The following PRKCE variants were observed in gnomAD, a reference collection of about 807,000 sequenced individuals.
PRKCE encodes the protein protein kinase C epsilon.
A neutral mutation model predicts 85.4 loss-of-function variants in PRKCE; 16 were observed. The observed-to-expected ratio is 0.19, with a 90% CI of 0.13 to 0.28. The LOEUF (loss-of-function observed/expected upper bound fraction) is 0.28. Ranked by LOEUF, PRKCE falls within the 10% of genes least tolerant of loss-of-function variation. PRKCE has a pLI of 1.00. For synonymous variants in PRKCE, 388 were observed against 371.5 expected (o/e 1.04, Z -0.51); for missense variants, 573 against 975.2 (o/e 0.59, Z 5.49).
rs765671191 is a variant in PRKCE, at chr2:46,004,879, G to A, written c.1063+241G>A. ...TTCCTTCCAGGCCAGGGTAAGAGGA[G>A]AGCGAGTGTATGATGTTATGGTTAT... On this transcript the variant is annotated intron_variant, in intron 8 of 14. Transcript: ENST00000306156. This position sits in a 1 kb window ranked among gnomAD's most constrained non-coding sequence, Gnocchi z 4.1. Among the ~76,000 whole-genome samples, 1 of 152,126 alleles carries A rather than the reference G, an allele frequency of 6.6e-6. No homozygotes were observed. The highest frequency in any genetic ancestry group is 1.5e-5 in the Non-Finnish European group (1 of 68,026).
intron 1 of PRKCE, among the ~76,000 whole-genome samples, chr2:45,816,213 GAT>G (rs1020019777): frequency 3.3e-5 from 5 of 152,158 alleles, no homozygotes; most frequent in Admixed American, 6.5e-5. Context: ...CAGTGAGAGT[GAT>G]TTCAGGATCT....
rs150826463 is a variant in PRKCE at position 46,021,773 on chromosome 2, C to T, written c.1437+11256C>T. On this transcript the variant is annotated intron_variant, in intron 10 of 14. Transcript: ENST00000306156. ...ACAAAGCCAGTTTCCTCATGGCTGACGTCAGATTCTCTCACCTCTCCCCAA... is the reference window on the plus strand; with the variant it reads ...ACAAAGCCAGTTTCCTCATGGCTGATGTCAGATTCTCTCACCTCTCCCCAA... 1.6e-3 allele frequency among the ~76,000 whole-genome samples: 240 copies of T among 152,298 alleles called. 2 individuals are homozygous for T. Among genetic ancestry groups the T allele is most frequent in the African/African-American group, 5.5e-3 (228 of 41,560 alleles).
intron 1 of PRKCE, among the ~76,000 whole-genome samples, chr2:45,729,351 T>A (rs1681363578): frequency 6.6e-6 from 1 of 152,192 alleles, no homozygotes; most frequent in Admixed American, 6.5e-5. Context: ...AGCCTGTGTC[T>A]TCTTAGCAGG....
At chr2:46,010,803 CCA>C (rs1323365703) in intron 10 of PRKCE, 1 of 1,585,732 alleles carries the variant, frequency 6.3e-7, no homozygotes, top group Non-Finnish European at 8.5e-7. Flanking sequence ...ATTGGAAAAA[CCA>C]ACAAGTGTGG....
intron 10 of PRKCE, among the ~76,000 whole-genome samples, chr2:46,076,723 A>C (rs964805393): frequency 6.6e-6 from 1 of 152,198 alleles, no homozygotes; most frequent in Non-Finnish European, 1.5e-5. Context: ...CTCCCCTTTT[A>C]CCAAAAGTGG....
At chr2:46,009,121 T>C (rs575527373) in intron 9 of PRKCE, among the ~76,000 whole-genome samples, 1 of 152,292 alleles carries the variant, frequency 6.6e-6, no homozygotes, top group Middle Eastern at 3.4e-3. Flanking sequence ...ATAGGAACAC[T>C]TTAAGAACAT....
At chr2:46,078,558 G>T (rs1668763991) in intron 10 of PRKCE, among the ~76,000 whole-genome samples, 1 of 147,368 alleles carries the variant, frequency 6.8e-6, no homozygotes, top group Admixed American at 6.7e-5. Flanking sequence ...AAAAAAATAA[G>T]ATTTTAGGGT....
Position 45,774,978 on chromosome 2 carries a change from G to A in PRKCE, c.349-68022G>A, listed in dbSNP as rs982063084. ...AGGATAGTAAAATGACAATAGCAGC[G>A]TAGACACTTCTCAGTTATTTACAAG... On this transcript the variant is annotated intron_variant, in intron 1 of 14. Transcript: ENST00000306156. This position sits in a 1 kb window ranked among gnomAD's most constrained non-coding sequence, Gnocchi z 4.3. Among the ~76,000 whole-genome samples, 1 of 151,946 alleles carries A rather than the reference G, an allele frequency of 6.6e-6. No homozygotes were observed. Among genetic ancestry groups the A allele is most frequent in the East Asian group, 2.0e-4 (1 of 5,120 alleles).
At chr2:46,017,143 C>T (rs1248865648) in intron 10 of PRKCE, among the ~76,000 whole-genome samples, 1 of 152,048 alleles carries the variant, frequency 6.6e-6, no homozygotes, top group Middle Eastern at 3.4e-3. Flanking sequence ...CCATCCATCA[C>T]CCCTCTCCAT....
At chr2:45,772,398 A>G (rs1208639847) in intron 1 of PRKCE, among the ~76,000 whole-genome samples, 1 of 152,174 alleles carries the variant, frequency 6.6e-6, no homozygotes, top group African/African-American at 2.4e-5. Context: ...GGAGGGATTT[A>G]GGAACCTGGG....
intron 1 of PRKCE, among the ~76,000 whole-genome samples, chr2:45,744,009 T>TC (rs35715274): frequency 1.6e-4 from 24 of 151,362 alleles, no homozygotes; most frequent in African/African-American, 5.6e-4. Flanking sequence ...TTTTTTTTTT[T>TC]TCCAGATAAT....
intron 1 of PRKCE, among the ~76,000 whole-genome samples, chr2:45,743,118 G>C (rs1387852039): frequency 6.6e-6 from 1 of 152,160 alleles, no homozygotes; most frequent in African/African-American, 2.4e-5. Context: ...TGGGGAGTGA[G>C]GGTAATGGGG....
intron 1 of PRKCE, among the ~76,000 whole-genome samples, chr2:45,766,181 C>T (rs1034800623): frequency 2.6e-4 from 39 of 151,834 alleles, no homozygotes; most frequent in Admixed American, 3.3e-4. Context: ...CGTGCAGGTC[C>T]GTATACTCCA....
chr2:46,002,513 G>A (rs572587553), intron 7 of PRKCE, among the ~76,000 whole-genome samples: 1 of 152,332 alleles, frequency 6.6e-6, no homozygotes, highest in South Asian at 2.1e-4. Context: ...GCTCTTCCAT[G>A]TTGCTTCTCT....
At chr2:45,726,016 C>A (rs995159507) in intron 1 of PRKCE, among the ~76,000 whole-genome samples, 1 of 152,098 alleles carries the variant, frequency 6.6e-6, no homozygotes, top group African/African-American at 2.4e-5. Context: ...AGCAAGAGAA[C>A]TAGAATTAGA....
chr2:45,810,682 C>G (rs1472946098), intron 1 of PRKCE, among the ~76,000 whole-genome samples: 1 of 152,200 alleles, frequency 6.6e-6, no homozygotes. Flanking sequence ...TTCCCAGGCT[C>G]AAGTGATCCT....
intron 1 of PRKCE, among the ~76,000 whole-genome samples, chr2:45,703,463 C>G (rs919006043): frequency 2.6e-5 from 4 of 151,814 alleles, no homozygotes; most frequent in African/African-American, 9.7e-5. Flanking sequence ...GTTTGAACCC[C>G]TAAGTTTGAG....
At chr2:45,882,428 A>T (rs112253226) in intron 2 of PRKCE, among the ~76,000 whole-genome samples, 19 of 152,314 alleles carry the variant, frequency 1.2e-4, no homozygotes, top group African/African-American at 3.6e-4. Flanking sequence ...TAGTAGTCTG[A>T]AGCCTCATTG....
intron 1 of PRKCE, among the ~76,000 whole-genome samples, chr2:45,821,284 C>T (rs1444603484): frequency 6.6e-6 from 1 of 152,122 alleles, no homozygotes; most frequent in Non-Finnish European, 1.5e-5. Flanking sequence ...AATTATCTCC[C>T]CTAAGTTAGA....
Sources: gnomAD v4.1 joint callset for allele counts (sites outside exome capture counted in the v4.1 genomes callset) on GRCh38, gnomAD v4.1.1 for gene constraint, Gnocchi (gnomAD v3.1) non-coding constraint, MANE v1.5 for transcripts, NCBI Gene and HGNC (gene_info 2026-07-23, HGNC 2026-07-21) for gene names.